MBNL3: variants seen among roughly 807,000 people sequenced by gnomAD.
The protein encoded by MBNL3 is muscleblind-like protein 3.
In MBNL3, 6 loss-of-function variants were observed where a neutral mutation model predicts 24.5. The observed-to-expected ratio is 0.25, with a 90% confidence interval of 0.13 to 0.48. The LOEUF (loss-of-function observed/expected upper bound fraction) is 0.48, where lower values mean the gene tolerates loss of function less well. Among genes scored for constraint, MBNL3 ranks in the 20% least tolerant of loss-of-function variants. The pLI, the probability that MBNL3 is intolerant of heterozygous loss-of-function variation, is 0.99. For missense variants in MBNL3, 230 were observed against 293.5 expected, an observed-to-expected ratio of 0.78 and a Z score of 1.58; for synonymous variants, 100 against 101.7, an observed-to-expected ratio of 0.98 and a Z score of 0.10.
chrX:132,432,339 C>T (rs1452334691), intron 2 of MBNL3: 1 of 111,196 alleles, frequency 9.0e-6, no homozygotes, highest in Non-Finnish European at 1.9e-5. Flanking sequence ...AAAACTCACC[C>T]TTTTAAAGTC....
At chrX:132,481,013 A>G (rs1279667110) in intron 1 of MBNL3, among the ~76,000 whole-genome samples, 1 of 111,511 alleles carries the variant, frequency 9.0e-6, no homozygotes, top group Non-Finnish European at 1.9e-5. Flanking sequence ...GCCTTACAGA[A>G]TAAAGAAAAA....
chrX:132,390,265 CAAAAAAAAAAAA>C (rs59093044), intron 5 of MBNL3, among the ~76,000 whole-genome samples: 4 of 31,613 alleles, frequency 1.3e-4, no homozygotes, highest in African/African-American at 3.9e-4. Context: ...ACAACAACAA[CAAAAAAAAAAAA>C]AAAAAAAAAA....
chrX:132,446,702 T>C (rs1394932907), intron 1 of MBNL3, among the ~76,000 whole-genome samples: 1 of 112,082 alleles, frequency 8.9e-6, no homozygotes, highest in Non-Finnish European at 1.9e-5. Flanking sequence ...ATTCTGAAGG[T>C]CGCCTGTTCA....
At chrX:132,392,393 C>T (rs1937328215) in intron 3 of MBNL3, 59 bp from the exon 4 acceptor site, 1 of 910,909 alleles carries the variant, frequency 1.1e-6, no homozygotes, top group South Asian at 3.0e-5. Context: ...TGTCATTACA[C>T]AAAGAGGTAT....
intron 2 of MBNL3, 113 bp downstream of exon 2, chrX:132,439,321 AC>A (rs1169137516): frequency 6.7e-6 from 6 of 899,212 alleles, no homozygotes; most frequent in Non-Finnish European, 7.4e-6. Context: ...TGTTAAAAAA[AC>A]AAAATTTATC....
intron 1 of MBNL3, among the ~76,000 whole-genome samples, chrX:132,446,891 T>C (rs1945752693): frequency 8.9e-6 from 1 of 111,986 alleles, no homozygotes; most frequent in Non-Finnish European, 1.9e-5. Flanking sequence ...GGTCTTATGT[T>C]TAAGTCTTTA....
chrX:132,440,449 G>A (rs1442759075), intron 1 of MBNL3, among the ~76,000 whole-genome samples, 135 bp from the exon 2 acceptor site: 1 of 112,061 alleles, frequency 8.9e-6, no homozygotes, highest in Non-Finnish European at 1.9e-5. Context: ...ACATAGTACA[G>A]TCAGCCATTG....
chrX:132,445,691 C>T (rs1160301278), intron 1 of MBNL3, among the ~76,000 whole-genome samples: 1 of 111,355 alleles, frequency 9.0e-6, no homozygotes, highest in Non-Finnish European at 1.9e-5. Context: ...ATCACTTTAG[C>T]AATGGATAAA....
At chrX:132,461,603 T>C (rs934560708) in intron 1 of MBNL3, among the ~76,000 whole-genome samples, 81 of 111,595 alleles carry the variant, frequency 7.3e-4, no homozygotes, top group African/African-American at 2.4e-3. Flanking sequence ...AGCATATGAT[T>C]AAGTTCTGAA....
chrX:132,411,127 G>A (rs1385079671), intron 2 of MBNL3: 1 of 752,355 alleles, frequency 1.3e-6, no homozygotes, highest in Non-Finnish European at 1.6e-6. Context: ...GAGGCTGAAC[G>A]TTGACCCCCA....
intron 1 of MBNL3, among the ~76,000 whole-genome samples, chrX:132,465,239 T>C (rs748744880): frequency 1.8e-5 from 2 of 111,796 alleles, no homozygotes; most frequent in African/African-American, 6.5e-5. Context: ...GGGCACATCT[T>C]GTAAGCTGTA....
chrX:132,419,703 C>T lies in MBNL3; in HGVS notation c.178-13311G>A, dbSNP rs775404681. 3.8e-4 allele frequency among the ~76,000 whole-genome samples: 42 copies of T among 111,437 alleles called. 1 individual carries two copies. Among genetic ancestry groups the T allele is most frequent in the South Asian group, 3.9e-4 (1 of 2,578 alleles). ...ACTGCAAAGTGGAGGTGAAGATCTG[C>T]GGCCCTAGGCACTAGGGTTTGACTT... is the stretch of plus-strand genomic sequence containing the variant. On this transcript the variant is annotated intron_variant, in intron 2 of 8. Coordinates refer to ENST00000370853, the MANE Select transcript of MBNL3 (RefSeq NM_001386889.1).
intron 6 of MBNL3, among the ~76,000 whole-genome samples, chrX:132,385,538 T>C (rs895041216): frequency 3.6e-5 from 4 of 111,654 alleles, no homozygotes; most frequent in Middle Eastern, 4.6e-3. Flanking sequence ...GTAGACATTA[T>C]GTGTGTTTTT....
At chrX:132,427,517 A>G (rs1319822117) in intron 2 of MBNL3, among the ~76,000 whole-genome samples, 1 of 112,127 alleles carries the variant, frequency 8.9e-6, no homozygotes, top group Non-Finnish European at 1.9e-5. Flanking sequence ...CACAGAGTAC[A>G]TGAAGCTATT....
chrX:132,480,302 C>T (rs1947662585), intron 1 of MBNL3, among the ~76,000 whole-genome samples: 1 of 111,711 alleles, frequency 9.0e-6, no homozygotes, highest in Non-Finnish European at 1.9e-5. Flanking sequence ...CTAAACTGAC[C>T]CTGAAAACAA....
intron 8 of MBNL3, chrX:132,381,312 T>C: frequency 1.3e-6 from 1 of 773,304 alleles, no homozygotes; most frequent in Middle Eastern, 4.6e-4. Flanking sequence ...GTAAATAAAA[T>C]ATGTAGCCTA....
At chrX:132,468,013 G>A (rs1946980492) in intron 1 of MBNL3, among the ~76,000 whole-genome samples, 1 of 111,968 alleles carries the variant, frequency 8.9e-6, no homozygotes, top group Non-Finnish European at 1.9e-5. Flanking sequence ...AAGACAGACT[G>A]CAAGTCACCA....
chrX:132,376,548 A>G lies in MBNL3; in HGVS notation c.*3118T>C, dbSNP rs1934163912. On this transcript the variant is annotated 3_prime_UTR_variant, in exon 9 of 9. Transcript: ENST00000370853. ...AGGCTGAGAAAAATGGACAAAAACA[A>G]TAAATTTGGATAAATAGAGGCCCCT... 1 of 111,415 alleles carries G rather than the reference A, an allele frequency of 9.0e-6. No individual in the cohort carries two copies. The highest frequency in any genetic ancestry group is 3.7e-4 in the South Asian group (1 of 2,697). The allele number at this position is 111,415 out of a possible 1,213,427, so 9.2% of individuals were successfully genotyped here.
intron 3 of MBNL3, among the ~76,000 whole-genome samples, chrX:132,396,937 CAT>C (rs746298907): frequency 2.0e-4 from 14 of 70,885 alleles, no homozygotes; most frequent in East Asian, 8.1e-4. Flanking sequence ...TATATACATT[CAT>C]ATATATATTC....
Sources: gnomAD v4.1 joint callset for allele counts (sites outside exome capture counted in the v4.1 genomes callset) on GRCh38, gnomAD v4.1.1 for gene constraint, MANE v1.5 for transcripts, NCBI Gene and HGNC (gene_info 2026-07-23, HGNC 2026-07-21) for gene names.